EXOC6: variants seen among roughly 807,000 people sequenced by gnomAD.
EXOC6 encodes SEC15-like 1.
A neutral mutation model predicts 112.5 loss-of-function variants in EXOC6; 60 were observed. That is an observed-to-expected ratio of 0.53 (90% CI 0.43 to 0.66). The LOEUF (loss-of-function observed/expected upper bound fraction) is 0.66, where lower values mean the gene tolerates loss of function less well. Among genes scored for constraint, EXOC6 ranks in the 30% least tolerant of loss-of-function variants. The pLI is 0.00. For synonymous variants in EXOC6, 295 were observed against 308.0 expected, an observed-to-expected ratio of 0.96 and a Z score of 0.44; for missense variants, 855 against 957.1, an observed-to-expected ratio of 0.89 and a Z score of 1.41.
At chr10:92,829,032 C>T (rs1846430322) in intron 1 of EXOC6, among the ~76,000 whole-genome samples, 1 of 152,066 alleles carries the variant, frequency 6.6e-6, no homozygotes, top group African/African-American at 2.4e-5. Flanking sequence ...GAAAGGCAGG[C>T]TAGAAGCTTG....
chr10:92,859,825 G>T (rs758922704), intron 1 of EXOC6, among the ~76,000 whole-genome samples: 1 of 51,596 alleles, frequency 1.9e-5, no homozygotes, highest in Non-Finnish European at 4.2e-5. Context: ...GTGTGCATGT[G>T]TGTGTGTGTG....
intron 1 of EXOC6, among the ~76,000 whole-genome samples, chr10:92,837,135 C>CACACACA (rs1491410273): frequency 6.6e-6 from 1 of 151,152 alleles, no homozygotes; most frequent in African/African-American, 2.4e-5. Flanking sequence ...CACACACACA[C>CACACACA]AAGCCAGAAC....
At chr10:93,031,153 A>AC (rs1294061962) in intron 20 of EXOC6, among the ~76,000 whole-genome samples, 1 of 152,106 alleles carries the variant, frequency 6.6e-6, no homozygotes, top group Non-Finnish European at 1.5e-5. Flanking sequence ...TTTACCTGAC[A>AC]CCAAGCCCTC....
chr10:93,031,510 C>CTTTTTTTTTTTTTTTTTTTTTTTCT (rs778524287), intron 20 of EXOC6, among the ~76,000 whole-genome samples: 2 of 130,454 alleles, frequency 1.5e-5, no homozygotes, highest in East Asian at 2.3e-4. Flanking sequence ...TTCTTTCTTT[C>CTTTTTTTTTTTTTTTTTTTTTTTCT]TTTTTTTTTT....
intron 19 of EXOC6, among the ~76,000 whole-genome samples, chr10:93,002,699 G>T (rs967640005): frequency 2.6e-5 from 4 of 152,150 alleles, no homozygotes; most frequent in African/African-American, 9.7e-5. Context: ...TCACAGTTTG[G>T]CATCTTGCTC....
chr10:92,903,168 A>T (rs1488424699), intron 5 of EXOC6, among the ~76,000 whole-genome samples: 1 of 152,044 alleles, frequency 6.6e-6, no homozygotes, highest in Non-Finnish European at 1.5e-5. Flanking sequence ...AATATAATTT[A>T]AAAAATAATT....
intron 1 of EXOC6, among the ~76,000 whole-genome samples, chr10:92,887,395 T>A (rs1170789218): frequency 7.0e-6 from 1 of 142,632 alleles, no homozygotes; most frequent in Non-Finnish European, 1.5e-5. Flanking sequence ...ATTTAATTTT[T>A]TTTTTTTTTT....
intron 1 of EXOC6, among the ~76,000 whole-genome samples, chr10:92,892,634 A>G (rs550644321): frequency 6.6e-6 from 1 of 152,330 alleles, no homozygotes; most frequent in Non-Finnish European, 1.5e-5. Context: ...GGGTATGCCA[A>G]AGGCTTTCCT....
At chr10:92,848,458 C>A, upstream of EXOC6, 5 of 1,136,822 alleles carry the variant, frequency 4.4e-6, no homozygotes, top group Non-Finnish European at 5.5e-6. Flanking sequence ...CGCCCCTTCG[C>A]GCTCGCGCCA....
intron 17 of EXOC6, among the ~76,000 whole-genome samples, chr10:92,959,093 AAAAAC>A (rs752973568): frequency 4.6e-5 from 7 of 152,130 alleles, no homozygotes; most frequent in African/African-American, 7.2e-5. Context: ...ACTCCGTCTC[AAAAAC>A]AAAACAAAAC....
upstream of EXOC6, chr10:92,848,435 C>A: frequency 1.3e-6 from 1 of 749,612 alleles, no homozygotes; most frequent in Non-Finnish European, 1.7e-6. Context: ...GCCCGAGCGC[C>A]CCGCCCCCGC....
In EXOC6 at chr10:93,054,900, C is replaced by T. The variant is rs1000078370; in HGVS notation, c.2170-2024C>T. On this transcript the variant is annotated intron_variant, in intron 20 of 21. Transcript: ENST00000260762. Reference sequence around the variant, plus strand: ...TTATTTTAATATATAAATATATAAACCTTATTTATAACTATAGTATTAACA... The same window carrying T: ...TTATTTTAATATATAAATATATAAATCTTATTTATAACTATAGTATTAACA... Among the ~76,000 whole-genome samples, 6 of 152,048 alleles carry T rather than the reference C, an allele frequency of 3.9e-5. No homozygotes were observed. In the South Asian group the frequency reaches 1.2e-3, roughly 32 times the overall value.
chr10:92,955,192 A>T (rs1278418137), intron 16 of EXOC6, among the ~76,000 whole-genome samples: 1 of 152,102 alleles, frequency 6.6e-6, no homozygotes, highest in African/African-American at 2.4e-5. Context: ...AAAATAAAAA[A>T]ATGAGGGAAA....
intron 5 of EXOC6, chr10:92,900,841 G>A (rs977962879): frequency 6.6e-6 from 1 of 151,962 alleles, no homozygotes; most frequent in Non-Finnish European, 1.5e-5. Flanking sequence ...CGGTTTTTCA[G>A]TAATATAATC....
chr10:92,920,015 CCT>C lies in EXOC6; in HGVS notation c.854_855del (p.Pro285ArgfsTer13), dbSNP rs1228342602. 1.9e-6 allele frequency: 3 copies of C among 1,605,738 alleles called. No homozygotes were observed. Among genetic ancestry groups the C allele is most frequent in the Non-Finnish European group, 2.6e-6 (3 of 1,175,598 alleles). Reference protein sequence around the residue: ...LTVQDLVDFSPVYRCLHIYSV... With the variant: ...LTVQDLVDFSXVYRCLHIYSV... ...TGTTCAGGATCTTGTTGATTTTTCC[CCT>C]GTTTATCGATGTTTGCACATTTATT... is the stretch of plus-strand genomic sequence containing the variant. On this transcript the variant is annotated frameshift_variant, in exon 8 of 22. Transcript: ENST00000260762. LOFTEE classifies it high-confidence loss of function.
At chr10:92,967,592 G>T (rs1156719614) in intron 17 of EXOC6, among the ~76,000 whole-genome samples, 1 of 152,132 alleles carries the variant, frequency 6.6e-6, no homozygotes, top group African/African-American at 2.4e-5. Context: ...CTTTAGCTCT[G>T]TAAGTTTGGA....
chr10:93,049,857 C>A (rs544498745), intron 20 of EXOC6, among the ~76,000 whole-genome samples: 19 of 152,278 alleles, frequency 1.2e-4, no homozygotes, highest in African/African-American at 4.6e-4. Context: ...GGTGAACCAC[C>A]ATGGTAGGCC....
intron 9 of EXOC6, among the ~76,000 whole-genome samples, chr10:92,931,115 G>GAAAAAAAAAAAA (rs60087746): frequency 1.4e-5 from 1 of 70,610 alleles, no homozygotes. Flanking sequence ...CATCTCAGAA[G>GAAAAAAAAAAAA]AAAAAAAAAA....
At chr10:92,876,137 TCTTAG>T (rs1294994475) in intron 1 of EXOC6, among the ~76,000 whole-genome samples, 1 of 152,194 alleles carries the variant, frequency 6.6e-6, no homozygotes, top group Non-Finnish European at 1.5e-5. Flanking sequence ...AGTACATATA[TCTTAG>T]CTTATTTAAT....
Sources: allele counts gnomAD v4.1 joint callset (sites outside exome capture counted in the v4.1 genomes callset), GRCh38; gene constraint gnomAD v4.1.1; transcripts MANE v1.5; gene names NCBI Gene and HGNC (gene_info 2026-07-23, HGNC 2026-07-21).